MARCHF1: variants seen among roughly 807,000 people sequenced by gnomAD.
MARCHF1 encodes the protein membrane associated ring-CH-type finger 1, also known as E3 ubiquitin-protein ligase MARCHF1.
Under a neutral mutation model 54.2 loss-of-function variants are expected in MARCHF1, and 40 were observed. That is an observed-to-expected ratio of 0.74 (90% CI 0.57 to 0.96). The LOEUF (loss-of-function observed/expected upper bound fraction) is 0.96. Among genes scored for constraint, MARCHF1 ranks in the 40% least tolerant of loss-of-function variants. MARCHF1 has a pLI of 0.00. For synonymous variants in MARCHF1, 236 were observed against 236.3 expected, an observed-to-expected ratio of 1.00 and a Z score of 0.01; for missense variants, 586 against 656.5, an observed-to-expected ratio of 0.89 and a Z score of 1.17.
At chr4:163,676,719 G>T (rs1743932415) in intron 5 of MARCHF1, among the ~76,000 whole-genome samples, 1 of 152,102 alleles carries the variant, frequency 6.6e-6, no homozygotes, top group Admixed American at 6.5e-5. Context: ...TGGCATCACT[G>T]CACTCCCTAG....
chr4:163,800,000 C>T (rs919535191), intron 4 of MARCHF1, among the ~76,000 whole-genome samples: 11 of 151,984 alleles, frequency 7.2e-5, no homozygotes, highest in Admixed American at 2.6e-4. Flanking sequence ...CATATGCAGC[C>T]GGAGGCCATT....
At chr4:164,021,710 A>G (rs890070605) in intron 2 of MARCHF1, among the ~76,000 whole-genome samples, 1 of 152,106 alleles carries the variant, frequency 6.6e-6, no homozygotes, top group African/African-American at 2.4e-5. Context: ...CAAAAAATTT[A>G]GCCGGGCTTA....
chr4:164,372,224 G>A (rs772513370), intron 1 of MARCHF1, among the ~76,000 whole-genome samples: 3 of 152,154 alleles, frequency 2.0e-5, no homozygotes, highest in Non-Finnish European at 4.4e-5. Context: ...TTAAGTCAAT[G>A]CAAATGACAC....
At chr4:163,789,274 T>C (rs1392993492) in intron 4 of MARCHF1, among the ~76,000 whole-genome samples, 1 of 151,984 alleles carries the variant, frequency 6.6e-6, no homozygotes, top group Non-Finnish European at 1.5e-5. Flanking sequence ...TTTTGTAAAA[T>C]ATTTAAAATA....
At chr4:164,181,532 A>C (rs1018983481) in intron 1 of MARCHF1, among the ~76,000 whole-genome samples, 2 of 152,216 alleles carry the variant, frequency 1.3e-5, no homozygotes, top group Non-Finnish European at 2.9e-5. Context: ...CATTCTAATA[A>C]AATTCTAAAA....
chr4:164,077,153 A>G (rs150960171), intron 2 of MARCHF1, among the ~76,000 whole-genome samples: 1 of 152,308 alleles, frequency 6.6e-6, no homozygotes, highest in African/African-American at 2.4e-5. Flanking sequence ...CAGTAACCCA[A>G]ACAACATGGC....
At chr4:164,152,581 G>C in intron 1 of MARCHF1, among the ~76,000 whole-genome samples, 1 of 152,006 alleles carries the variant, frequency 6.6e-6, no homozygotes, top group Admixed American at 6.6e-5. Flanking sequence ...AAGTCTCTTG[G>C]GGGAAAAGTC....
intron 1 of MARCHF1, among the ~76,000 whole-genome samples, chr4:164,292,568 G>C (rs904775190): frequency 6.6e-6 from 1 of 152,084 alleles, no homozygotes; most frequent in Non-Finnish European, 1.5e-5. Flanking sequence ...CCATAGTGTT[G>C]CAGGTTTACT....
chr4:163,970,918 G>A (rs531672204), intron 3 of MARCHF1, among the ~76,000 whole-genome samples: 1 of 152,236 alleles, frequency 6.6e-6, no homozygotes, highest in African/African-American at 2.4e-5. Context: ...GAAAACTTTA[G>A]TTGTCAACAG....
chr4:163,567,718 T>G (rs1200149666), intron 8 of MARCHF1, among the ~76,000 whole-genome samples: 1 of 152,220 alleles, frequency 6.6e-6, no homozygotes, highest in Non-Finnish European at 1.5e-5. Context: ...TCACCAGTCA[T>G]GTAGAACTGT....
At chr4:163,827,972 G>A (rs916365042) in intron 4 of MARCHF1, among the ~76,000 whole-genome samples, 7 of 148,396 alleles carry the variant, frequency 4.7e-5, no homozygotes, top group African/African-American at 1.5e-4. Context: ...TTAAGATGAC[G>A]GACAGATATG....
chr4:164,311,545 C>T (rs565572777), intron 1 of MARCHF1, among the ~76,000 whole-genome samples: 30 of 152,162 alleles, frequency 2.0e-4, no homozygotes, highest in African/African-American at 6.7e-4. Flanking sequence ...AGCAATACGA[C>T]ATTTAAAAAG....
At chr4:164,179,388 T>C (rs377315121) in intron 1 of MARCHF1, among the ~76,000 whole-genome samples, 1 of 148,142 alleles carries the variant, frequency 6.8e-6, no homozygotes, top group Admixed American at 6.9e-5. Flanking sequence ...CATATTCTTA[T>C]GACAAAGTAT....
intron 1 of MARCHF1, among the ~76,000 whole-genome samples, chr4:164,172,520 T>C (rs1730553721): frequency 6.6e-6 from 1 of 152,118 alleles, no homozygotes; most frequent in Non-Finnish European, 1.5e-5. Context: ...TACACAGAGA[T>C]GCACAAATTC....
chr4:163,580,049 T>C (rs1740172889), intron 8 of MARCHF1, among the ~76,000 whole-genome samples: 1 of 147,368 alleles, frequency 6.8e-6, no homozygotes. Context: ...TTGTCTTTTG[T>C]AGAGCCTTAT....
chr4:164,374,317 T>C (rs993455689), intron 1 of MARCHF1, among the ~76,000 whole-genome samples: 1 of 152,194 alleles, frequency 6.6e-6, no homozygotes, highest in African/African-American at 2.4e-5. Flanking sequence ...GTTATTATGA[T>C]AATAATTCAG....
intron 5 of MARCHF1, among the ~76,000 whole-genome samples, chr4:163,638,471 T>C (rs999656413): frequency 4.6e-5 from 7 of 152,124 alleles, no homozygotes; most frequent in Non-Finnish European, 2.9e-5. Context: ...CTGCTTTGCC[T>C]AATGCTATGA....
At chr4:164,085,067 AAG>A (rs1755168314) in intron 2 of MARCHF1, among the ~76,000 whole-genome samples, 1 of 151,774 alleles carries the variant, frequency 6.6e-6, no homozygotes, top group African/African-American at 2.4e-5. Flanking sequence ...TCCATTTAAT[AAG>A]TTTTCTCTCC....
intron 4 of MARCHF1, among the ~76,000 whole-genome samples, chr4:163,853,404 C>G (rs905287306): frequency 6.6e-6 from 1 of 152,086 alleles, no homozygotes; most frequent in African/African-American, 2.4e-5. Flanking sequence ...AAACAAAGAA[C>G]ATTTAAAATT....
Sources: allele counts gnomAD v4.1 joint callset (sites outside exome capture counted in the v4.1 genomes callset), GRCh38; gene constraint gnomAD v4.1.1; transcripts MANE v1.5; gene names NCBI Gene and HGNC (gene_info 2026-07-23, HGNC 2026-07-21).